The following WASHC3 variants were observed in gnomAD, a reference collection of about 807,000 sequenced individuals.
WASHC3 encodes WASH complex subunit 3, also known as WASH complex subunit CCDC53.
A neutral mutation model predicts 26.1 loss-of-function variants in WASHC3; 24 were observed. The observed-to-expected ratio is 0.92, with a 90% CI of 0.66 to 1.29. The LOEUF is 1.29. WASHC3 is among the 50% of genes most tolerant of loss of function. WASHC3 has a pLI of 0.00. For synonymous variants in WASHC3, 77 were observed against 75.7 expected (o/e 1.02, Z -0.09); for missense variants, 214 against 229.6 (o/e 0.93, Z 0.44).
intron 5 of WASHC3, among the ~76,000 whole-genome samples, chr12:102,028,489 A>G (rs1467901339): frequency 6.6e-6 from 1 of 152,176 alleles, no homozygotes; most frequent in Admixed American, 6.6e-5. Flanking sequence ...TATAAACTCA[A>G]GCATGTGATT....
In WASHC3 at chr12:102,032,729, AG is replaced by A. The variant is rs1877489521; in HGVS notation, c.436-6692del. ...CTCATTTTATGTATGAGGGAACTGA[AG>A]TCTTGAGAGGTGACATGACTTGATG... On this transcript the variant is annotated intron_variant, in intron 5 of 6. Transcript: ENST00000240079. Among the ~76,000 whole-genome samples the A allele has an allele frequency of 2.0e-5, 3 of 152,158 alleles. No individual in the cohort carries two copies. The South Asian group carries it at 6.2e-4, about 31-fold the overall frequency.
At chr12:102,054,991 A>G (rs547588638) in intron 2 of WASHC3, among the ~76,000 whole-genome samples, 1 of 152,322 alleles carries the variant, frequency 6.6e-6, no homozygotes, top group East Asian at 1.9e-4. Flanking sequence ...TCCTAGTGTT[A>G]CAACTGAAGG....
intron 5 of WASHC3, among the ~76,000 whole-genome samples, chr12:102,037,064 T>C (rs1436635488): frequency 6.6e-6 from 1 of 152,228 alleles, no homozygotes; most frequent in Non-Finnish European, 1.5e-5. Context: ...ATATGCTGTA[T>C]GTACCAAGTA....
At chr12:102,035,424 T>C (rs2121386732) in intron 5 of WASHC3, among the ~76,000 whole-genome samples, 1 of 152,324 alleles carries the variant, frequency 6.6e-6, no homozygotes, top group South Asian at 2.1e-4. Flanking sequence ...ATTTTGACAG[T>C]CACTCATGAT....
At chr12:102,057,546 GAACT>G (rs1878637911) in intron 2 of WASHC3, among the ~76,000 whole-genome samples, 1 of 151,484 alleles carries the variant, frequency 6.6e-6, no homozygotes, top group African/African-American at 2.4e-5. Flanking sequence ...AAAATTGTTA[GAACT>G]AACAAACTAC....
intron 5 of WASHC3, among the ~76,000 whole-genome samples, chr12:102,038,727 G>A (rs981232333): frequency 2.0e-5 from 3 of 151,854 alleles, no homozygotes; most frequent in African/African-American, 7.3e-5. Flanking sequence ...CCAATATCCT[G>A]AGCTCTAGGC....
At chr12:102,037,879 T>C (rs1383526364) in intron 5 of WASHC3, among the ~76,000 whole-genome samples, 2 of 152,124 alleles carry the variant, frequency 1.3e-5, no homozygotes, top group Non-Finnish European at 2.9e-5. Context: ...CATTGCAACC[T>C]CCGCCTCCTG....
At chr12:102,048,396 T>C (rs1452186545) in intron 2 of WASHC3, 1 of 152,126 alleles carries the variant, frequency 6.6e-6, no homozygotes, top group Non-Finnish European at 1.5e-5. Context: ...ACCCCAACTC[T>C]ACTAAAAATA....
At chr12:102,038,456 G>A (rs971204001) in intron 5 of WASHC3, among the ~76,000 whole-genome samples, 2 of 152,094 alleles carry the variant, frequency 1.3e-5, no homozygotes, top group Admixed American at 6.5e-5. Context: ...TGGCAAGAAG[G>A]GGCTAACATA....
intron 6 of WASHC3, among the ~76,000 whole-genome samples, chr12:102,025,685 GAAA>G (rs771948063): frequency 1.4e-5 from 1 of 74,008 alleles, no homozygotes; most frequent in East Asian, 4.0e-4. Flanking sequence ...GCACAAAAAG[GAAA>G]AAAAAAAAAA....
upstream of WASHC3, chr12:102,062,093 C>T (rs1178719278): frequency 2.1e-5 from 15 of 707,978 alleles, no homozygotes; most frequent in Non-Finnish European, 3.1e-5. Context: ...CGGAAGAAAG[C>T]TTCTCCGCTC....
At chr12:102,033,725 G>GT (rs79898970) in intron 5 of WASHC3, among the ~76,000 whole-genome samples, 67 of 145,098 alleles carry the variant, frequency 4.6e-4, no homozygotes, top group South Asian at 8.7e-4. Flanking sequence ...TATAAATACA[G>GT]TTTTTTTTTT....
chr12:102,022,874 C>T (rs1009869274), intron 6 of WASHC3, among the ~76,000 whole-genome samples: 3 of 151,904 alleles, frequency 2.0e-5, no homozygotes, highest in Non-Finnish European at 4.4e-5. Flanking sequence ...AATGTATTAA[C>T]CTTTGGCCAA....
upstream of WASHC3, chr12:102,062,048 TC>T: frequency 2.5e-6 from 3 of 1,184,506 alleles, no homozygotes; most frequent in East Asian, 2.7e-5. Context: ...GTCTCAACTT[TC>T]CCCCCAAGTG....
intron 2 of WASHC3, among the ~76,000 whole-genome samples, chr12:102,054,873 T>C (rs1878531713): frequency 1.3e-5 from 2 of 152,106 alleles, no homozygotes; most frequent in Non-Finnish European, 2.9e-5. Flanking sequence ...AAAATGGACA[T>C]ACAACACATC....
rs538165954 is a variant in WASHC3 at position 102,017,261 on chromosome 12, A to G, written c.501-4069T>C. On this transcript the variant is annotated intron_variant, in intron 6 of 6. Transcript: ENST00000240079. ...TACGCTATACCATTTAGGCTTGTGT[A>G]AGTACACTCTATGACGTTTGCACAA... Among the ~76,000 whole-genome samples, 14 of 152,338 alleles carry G rather than the reference A, an allele frequency of 9.2e-5. No individual in the cohort carries two copies. The South Asian group carries it at 2.9e-3, about 32-fold the overall frequency.
chr12:102,018,372 A>C (rs1876800713), intron 6 of WASHC3, among the ~76,000 whole-genome samples: 1 of 152,154 alleles, frequency 6.6e-6, no homozygotes, highest in African/African-American at 2.4e-5. Context: ...TTTTTAAGGG[A>C]TCACAATACT....
At position 102,055,384 on chromosome 12, in the gene WASHC3, C is replaced by T. The variant is rs534959433; in HGVS notation, c.150+5864G>A. On this transcript the variant is annotated intron_variant, in intron 2 of 6. Coordinates refer to ENST00000240079, the MANE Select transcript of WASHC3 (RefSeq NM_016053.4). ...TTTTTGAGATGGAGTCTTGCTCTGT[C>T]ACCCAGGCTGGAGTGCAATGGCGCA... 5.9e-5 allele frequency among the ~76,000 whole-genome samples: 9 copies of T among 152,264 alleles called. 1 individual carries two copies. Among genetic ancestry groups the T allele is most frequent in the Admixed American group, 2.0e-4 (3 of 15,288 alleles).
chr12:102,038,044 C>T (rs993913225), intron 5 of WASHC3, among the ~76,000 whole-genome samples: 1 of 152,170 alleles, frequency 6.6e-6, no homozygotes, highest in Non-Finnish European at 1.5e-5. Flanking sequence ...ATCCGCCCGC[C>T]TCGGCCTCCC....
Sources: allele counts gnomAD v4.1 joint callset (sites outside exome capture counted in the v4.1 genomes callset), GRCh38; gene constraint gnomAD v4.1.1; transcripts MANE v1.5; gene names NCBI Gene and HGNC (gene_info 2026-07-23, HGNC 2026-07-21).